Variants in COL23A1 observed in about 807,000 individuals in gnomAD.
The protein encoded by COL23A1 is collagen alpha-1(XXIII) chain.
In COL23A1, 97 loss-of-function variants were observed where a neutral mutation model predicts 99.3. The ratio of observed to expected loss-of-function variants is 0.98; its 90% CI spans 0.83 to 1.16. COL23A1 has a LOEUF of 1.16. COL23A1 is among the 50% of genes most tolerant of loss of function. COL23A1 has a pLI of 0.00. For synonymous variants in COL23A1, 320 were observed against 308.2 expected (o/e 1.04, Z -0.40); for missense variants, 762 against 757.4 (o/e 1.01, Z -0.07).
chr5:178,277,096 C>T (rs187164923), intron 5 of COL23A1, among the ~76,000 whole-genome samples: 131 of 151,930 alleles, frequency 8.6e-4, no homozygotes, highest in Non-Finnish European at 1.7e-3. Context: ...CTGGGCATAA[C>T]GGCTCATGCC....
chr5:178,358,339 ATGTG>A (rs369285563), intron 2 of COL23A1, among the ~76,000 whole-genome samples: 1 of 138,264 alleles, frequency 7.2e-6, no homozygotes, highest in Non-Finnish European at 1.5e-5. Flanking sequence ...TGTATGTCTA[ATGTG>A]TGTATTGTGT....
chr5:178,530,764 C>A (rs993551011), intron 2 of COL23A1, among the ~76,000 whole-genome samples: 38 of 152,362 alleles, frequency 2.5e-4, no homozygotes, highest in African/African-American at 8.7e-4. Context: ...TTCAGAGGAT[C>A]CCAGCCCCAA....
In COL23A1 at chr5:178,258,254, T is replaced by C. The variant is rs868010038; in HGVS notation, c.730-687A>G. 7.0e-5 allele frequency among the ~76,000 whole-genome samples: 8 copies of C among 114,308 alleles called. 1 individual carries two copies. The South Asian group carries it at 8.9e-4, about 13-fold the overall frequency. The allele number at this position is 114,308 out of a possible 152,430, so 75.0% of individuals were successfully genotyped here. A position where few individuals can be genotyped will look rare whatever the true frequency, so the allele number is the denominator to read the frequency against. On this transcript the variant is annotated intron_variant, in intron 12 of 28. Transcript: ENST00000390654. ...GTCTTAAAATATATATATATATATATATATATATACACATGCAAATCAATT... is the reference window on the plus strand; with the variant it reads ...GTCTTAAAATATATATATATATATACATATATATACACATGCAAATCAATT...
At chr5:178,297,183 G>A (rs1757791275) in intron 3 of COL23A1, among the ~76,000 whole-genome samples, 1 of 152,236 alleles carries the variant, frequency 6.6e-6, no homozygotes, top group African/African-American at 2.4e-5. Context: ...TGGCTCCACT[G>A]CCACTGCCTT....
At chr5:178,383,851 T>C (rs1013913922) in intron 2 of COL23A1, among the ~76,000 whole-genome samples, 3 of 144,010 alleles carry the variant, frequency 2.1e-5, no homozygotes, top group African/African-American at 7.8e-5. Context: ...ACGCTGGACA[T>C]GGTAAAAGCA....
rs1391357833 is a variant in COL23A1 at position 178,498,242 on chromosome 5, ATATATATATATAT to A, written c.361+62427_361+62439del. On this transcript the variant is annotated intron_variant, in intron 2 of 28. Transcript: ENST00000390654. ...TATATATATATATATATATATATAT[ATATATATATATAT>A]ATAAAAGAACTTAAAAATAAAAAAA... is the stretch of plus-strand genomic sequence containing the variant. Among the ~76,000 whole-genome samples the A allele has an allele frequency of 4.1e-4, 29 of 71,078 alleles. 1 individual carries two copies. The highest frequency in any genetic ancestry group is 2.5e-3 in the African/African-American group (28 of 11,354). The allele number at this position is 71,078 out of a possible 152,430, so 46.6% of individuals were successfully genotyped here.
intron 5 of COL23A1, among the ~76,000 whole-genome samples, chr5:178,279,528 C>T (rs1049562310): frequency 6.6e-6 from 1 of 152,132 alleles, no homozygotes; most frequent in African/African-American, 2.4e-5. Flanking sequence ...TTCAATTGTG[C>T]CCAGAACCTC....
At chr5:178,548,015 ACACCCACCCACAAACACACCCACC>A in intron 2 of COL23A1, among the ~76,000 whole-genome samples, 2 of 19,880 alleles carry the variant, frequency 1.0e-4, no homozygotes, top group South Asian at 2.5e-3. Flanking sequence ...CCACCCACAC[ACACCCACCCACAAACACACCCACC>A]CCCACACCCA....
intron 2 of COL23A1, among the ~76,000 whole-genome samples, chr5:178,502,747 C>T (rs988526881): frequency 5.3e-5 from 8 of 152,234 alleles, no homozygotes; most frequent in African/African-American, 1.9e-4. Context: ...TCCAGCAACG[C>T]CACTTCTGGG....
intron 2 of COL23A1, among the ~76,000 whole-genome samples, chr5:178,323,423 A>G (rs1330204190): frequency 1.3e-5 from 2 of 152,116 alleles, no homozygotes; most frequent in African/African-American, 4.8e-5. Context: ...TCATCCATTC[A>G]GATGCTATAG....
At chr5:178,288,071 G>T (rs1349797932) in intron 5 of COL23A1, among the ~76,000 whole-genome samples, 1 of 152,198 alleles carries the variant, frequency 6.6e-6, no homozygotes, top group East Asian at 1.9e-4. Flanking sequence ...ACTTACTGAA[G>T]AAGCAGTGGC....
rs372552040 is a variant in COL23A1 at position 178,270,337 on chromosome 5, G to A, written c.468C>T (p.Pro156=). 13 of 1,613,846 alleles carry A rather than the reference G, an allele frequency of 8.1e-6. No individual in the cohort carries two copies. In the East Asian group the frequency reaches 8.9e-5, roughly 11 times the overall value. The change falls in exon 6 of 29, where the codon CCC becomes CCT. Residue 156 remains proline (P), a splice_region_variant and synonymous_variant. Transcript: ENST00000390654. ...YPGPLGLDGK[P]GLPGPKGEKG... is the part of the protein sequence containing the mutation. ...CTGGAATTGCCCTGTCATCACTTACGGGCTTGCCATCCAAACCCAGGGGTC... is the reference window on the plus strand; with the variant it reads ...CTGGAATTGCCCTGTCATCACTTACAGGCTTGCCATCCAAACCCAGGGGTC...
intron 12 of COL23A1, among the ~76,000 whole-genome samples, chr5:178,258,798 G>A (rs1384589377): frequency 1.3e-5 from 2 of 151,728 alleles, no homozygotes; most frequent in African/African-American, 2.4e-5. Context: ...GGGCTCAAGC[G>A]ATCCTCCCAC....
intron 2 of COL23A1, among the ~76,000 whole-genome samples, chr5:178,374,758 T>C (rs1308035959): frequency 1.3e-5 from 2 of 152,144 alleles, no homozygotes; most frequent in Non-Finnish European, 2.9e-5. Context: ...GGAACCCTCA[T>C]ACATGGCTGG....
chr5:178,417,221 C>A (rs1357303451), intron 2 of COL23A1, among the ~76,000 whole-genome samples: 1 of 152,174 alleles, frequency 6.6e-6, no homozygotes, highest in Non-Finnish European at 1.5e-5. Context: ...ACAACACATA[C>A]AACACACATG....
At chr5:178,453,070 G>A (rs905265464) in intron 2 of COL23A1, among the ~76,000 whole-genome samples, 6 of 152,160 alleles carry the variant, frequency 3.9e-5, no homozygotes, top group Admixed American at 2.0e-4. Context: ...AATCCCACAC[G>A]GCGAGAAAAA....
At chr5:178,425,662 G>C (rs1294950349) in intron 2 of COL23A1, among the ~76,000 whole-genome samples, 1 of 152,122 alleles carries the variant, frequency 6.6e-6, no homozygotes, top group East Asian at 1.9e-4. Context: ...GCAGAGTTTG[G>C]GTCTGCCGGC....
chr5:178,435,280 C>G (rs1367296622), intron 2 of COL23A1, among the ~76,000 whole-genome samples: 1 of 152,166 alleles, frequency 6.6e-6, no homozygotes, highest in Non-Finnish European at 1.5e-5. Context: ...GTGGCTCATT[C>G]CCAGCTGAAC....
At position 178,263,111 on chromosome 5, in the gene COL23A1, T is replaced by G; in HGVS notation, c.639+97A>C. On this transcript the variant is annotated intron_variant, in intron 9 of 28. Transcript: ENST00000390654. ...TTAGGGTTAAGGATAGTGTGGGGTCTGCACTAGAGATGGGGATGGGGATGG... is the reference window on the plus strand; with the variant it reads ...TTAGGGTTAAGGATAGTGTGGGGTCGGCACTAGAGATGGGGATGGGGATGG... 5.7e-6 allele frequency: 5 copies of G among 884,006 alleles called. No individual in the cohort carries two copies. The South Asian group carries it at 6.6e-5, about 12-fold the overall frequency. 54.8% of individuals were successfully genotyped at this position (884,006 alleles called of 1,614,324 possible). A position where few individuals can be genotyped will look rare whatever the true frequency, so the allele number is the denominator to read the frequency against.
Sources: gnomAD v4.1 joint callset for allele counts (sites outside exome capture counted in the v4.1 genomes callset) on GRCh38, gnomAD v4.1.1 for gene constraint, MANE v1.5 for transcripts, NCBI Gene and HGNC (gene_info 2026-07-23, HGNC 2026-07-21) for gene names.